GALNT18: variants seen among roughly 807,000 people sequenced by gnomAD.
The protein encoded by GALNT18 is GalNAc-transferase 18.
GALNT18 carries 44 observed loss-of-function variants against 69.5 expected under a neutral mutation model. The ratio of observed to expected loss-of-function variants is 0.63; its 90% confidence interval spans 0.50 to 0.81. The LOEUF (loss-of-function observed/expected upper bound fraction) is 0.81, where lower values mean the gene tolerates loss of function less well. Ranked by LOEUF, GALNT18 falls within the 40% of genes least tolerant of loss-of-function variation. The pLI, the probability that GALNT18 is intolerant of heterozygous loss-of-function variation, is 0.00. For missense variants in GALNT18, 715 were observed against 810.0 expected, an observed-to-expected ratio of 0.88 and a Z score of 1.42; for synonymous variants, 364 against 318.2, an observed-to-expected ratio of 1.14 and a Z score of -1.53.
chr11:11,373,292 G>A (rs954767726), intron 5 of GALNT18, among the ~76,000 whole-genome samples: 3 of 152,082 alleles, frequency 2.0e-5, no homozygotes, highest in South Asian at 4.2e-4. Flanking sequence ...ATGATGGAGA[G>A]CTGAGTCAGA....
In GALNT18 at chr11:11,601,845, C is replaced by T. The variant is rs1565036263; in HGVS notation, c.235+19514G>A. The stretch of plus-strand genomic sequence containing the variant: ...AACAAAACAACATTGAAGGAAATGA[C>T]GTTATTTGAGGACCTGCCTGATTTG... On this transcript the variant is annotated intron_variant, in intron 1 of 10. Transcript: ENST00000227756. The surrounding 1 kb of genome is among the most constrained non-coding windows in gnomAD (Gnocchi z 4.0). Among the ~76,000 whole-genome samples, 2 of 152,010 alleles carry T rather than the reference C, an allele frequency of 1.3e-5. No homozygotes were observed. The highest frequency in any genetic ancestry group is 1.9e-4 in the East Asian group (1 of 5,196).
chr11:11,482,260 C>T (rs888676203), intron 1 of GALNT18, among the ~76,000 whole-genome samples: 5 of 152,246 alleles, frequency 3.3e-5, no homozygotes, highest in Admixed American at 3.3e-4. Flanking sequence ...CATCCTCCCC[C>T]AGCTGTGCCA....
chr11:11,300,021 G>C (rs532172668), intron 9 of GALNT18, among the ~76,000 whole-genome samples: 2 of 152,340 alleles, frequency 1.3e-5, no homozygotes, highest in African/African-American at 4.8e-5. Flanking sequence ...CATGGGATGG[G>C]CAGAGGGAGA....
At chr11:11,334,323 A>T (rs1490783200) in intron 7 of GALNT18, among the ~76,000 whole-genome samples, 1 of 152,106 alleles carries the variant, frequency 6.6e-6, no homozygotes, top group Admixed American at 6.5e-5. Flanking sequence ...CAGGCGGATC[A>T]CAAGGTCAGG....
intron 1 of GALNT18, among the ~76,000 whole-genome samples, chr11:11,560,998 A>G (rs1350932518): frequency 2.0e-5 from 3 of 152,112 alleles, no homozygotes; most frequent in Non-Finnish European, 2.9e-5. Flanking sequence ...ATTTTATTTA[A>G]CCTTTTCTTT....
intron 3 of GALNT18, among the ~76,000 whole-genome samples, chr11:11,395,523 T>C (rs1019780555): frequency 3.3e-5 from 5 of 152,122 alleles, no homozygotes; most frequent in Admixed American, 1.3e-4. Context: ...ATAAGGATGG[T>C]GAGGAGGCAA....
rs1007483279 is a variant in GALNT18 at position 11,511,208 on chromosome 11, C to A, written c.236-62272G>T. The stretch of plus-strand genomic sequence containing the variant: ...ATGGCATTGAAGTATTCAAGGGCTG[C>A]ATTCAGGAGCTGAATCATGGAATCC... On this transcript the variant is annotated intron_variant, in intron 1 of 10. Coordinates refer to ENST00000227756, the MANE Select transcript of GALNT18 (RefSeq NM_198516.3). This position sits in a 1 kb window ranked among gnomAD's most constrained non-coding sequence, Gnocchi z 4.9. Among the ~76,000 whole-genome samples, 1 of 152,198 alleles carries A rather than the reference C, an allele frequency of 6.6e-6. No homozygotes were observed. The highest frequency in any genetic ancestry group is 2.4e-5 in the African/African-American group (1 of 41,450).
In GALNT18 at chr11:11,621,717, A is replaced by T. The variant is rs1401162309; in HGVS notation, c.-124T>A. The T allele has an allele frequency of 1.4e-6, 1 of 693,958 alleles. No homozygotes were observed. The highest frequency in any genetic ancestry group is 2.4e-6 in the Non-Finnish European group (1 of 417,044). The allele number at this position is 693,958 out of a possible 1,614,324, so 43.0% of individuals were successfully genotyped here. A position where few individuals can be genotyped will look rare whatever the true frequency, so the allele number is the denominator to read the frequency against. On this transcript the variant is annotated 5_prime_UTR_variant, in exon 1 of 11. Transcript: ENST00000227756. This position sits in a 1 kb window ranked among gnomAD's most constrained non-coding sequence, Gnocchi z 9.3. Reference sequence around the variant, plus strand: ...TGGGCACCTCAGCACCTGAGTCCCGAGGTTCTCCAAAGCCCGGTCCGCTGC... The same window carrying T: ...TGGGCACCTCAGCACCTGAGTCCCGTGGTTCTCCAAAGCCCGGTCCGCTGC...
intron 3 of GALNT18, among the ~76,000 whole-genome samples, chr11:11,394,550 C>A (rs1348561281): frequency 6.6e-6 from 1 of 152,202 alleles, no homozygotes; most frequent in African/African-American, 2.4e-5. Context: ...ATTAAAAACT[C>A]TACTGTAGCA....
In GALNT18 at chr11:11,582,233, G is replaced by A. The variant is rs539647118; in HGVS notation, c.235+39126C>T. 2.6e-5 allele frequency among the ~76,000 whole-genome samples: 4 copies of A among 152,338 alleles called. 1 individual carries two copies. The highest frequency in any genetic ancestry group is 9.6e-5 in the African/African-American group (4 of 41,590). ...AACAAAGCTGATGTGTTTGAGAACA[G>A]CACAAGCTGATGGGTCAGAGCAGAA... On this transcript the variant is annotated intron_variant, in intron 1 of 10. Coordinates refer to ENST00000227756, the MANE Select transcript of GALNT18 (RefSeq NM_198516.3). This position sits in a 1 kb window ranked among gnomAD's most constrained non-coding sequence, Gnocchi z 5.0.
At chr11:11,385,059 C>A (rs994613113) in intron 3 of GALNT18, among the ~76,000 whole-genome samples, 3 of 152,090 alleles carry the variant, frequency 2.0e-5, no homozygotes, top group African/African-American at 7.2e-5. Flanking sequence ...CAGGCTGCTT[C>A]CACTCATGGT....
intron 1 of GALNT18, among the ~76,000 whole-genome samples, chr11:11,468,054 T>C (rs900880285): frequency 3.3e-5 from 5 of 152,212 alleles, no homozygotes; most frequent in African/African-American, 1.2e-4. Flanking sequence ...ACATCTCAAA[T>C]CTCAAATAAC....
At chr11:11,474,794 C>A (rs192260756) in intron 1 of GALNT18, among the ~76,000 whole-genome samples, 3 of 152,152 alleles carry the variant, frequency 2.0e-5, no homozygotes, top group Non-Finnish European at 4.4e-5. Flanking sequence ...TGCTGCAGTG[C>A]AAACAGGGAC....
rs1397837954 is a variant in GALNT18, at chr11:11,444,452, C to T, written c.428+4292G>A. On this transcript the variant is annotated intron_variant, in intron 2 of 10. Coordinates refer to ENST00000227756, the MANE Select transcript of GALNT18 (RefSeq NM_198516.3). The surrounding 1 kb of genome is among the most constrained non-coding windows in gnomAD (Gnocchi z 4.4). ...AGTGTAAACTCCAGGAGATATCCGT[C>T]CGACGCTTTGTTGGGTGCCGGGCAC... 6.6e-6 allele frequency among the ~76,000 whole-genome samples: 1 copy of T among 152,232 alleles called. No homozygotes were observed. The highest frequency in any genetic ancestry group is 6.5e-5 in the Admixed American group (1 of 15,284).
chr11:11,513,774 CA>C (rs1857210017), intron 1 of GALNT18, among the ~76,000 whole-genome samples: 2 of 152,300 alleles, frequency 1.3e-5, no homozygotes, highest in African/African-American at 4.8e-5. Context: ...TGGGACTGTT[CA>C]GGGGGAACAT....
chr11:11,536,651 C>T (rs896612764), intron 1 of GALNT18, among the ~76,000 whole-genome samples: 1 of 137,172 alleles, frequency 7.3e-6, no homozygotes, highest in South Asian at 2.4e-4. Context: ...AAAATTGAGA[C>T]AAAAAAAAAA....
At chr11:11,471,490 A>G (rs567991499) in intron 1 of GALNT18, among the ~76,000 whole-genome samples, 13 of 152,190 alleles carry the variant, frequency 8.5e-5, no homozygotes, top group African/African-American at 3.1e-4. Context: ...GCTGGTGGCA[A>G]TGCAAATTGC....
At chr11:11,535,036 C>T (rs1295978639) in intron 1 of GALNT18, among the ~76,000 whole-genome samples, 2 of 152,260 alleles carry the variant, frequency 1.3e-5, no homozygotes, top group Non-Finnish European at 2.9e-5. Flanking sequence ...AGCTGTTAGC[C>T]TCTCTGAACC....
intron 1 of GALNT18, among the ~76,000 whole-genome samples, chr11:11,528,486 C>A (rs1857568504): frequency 6.6e-6 from 1 of 152,194 alleles, no homozygotes; most frequent in Non-Finnish European, 1.5e-5. Flanking sequence ...CAATCAGATT[C>A]TTTAAGTGTG....
Sources: allele counts gnomAD v4.1 joint callset (sites outside exome capture counted in the v4.1 genomes callset), GRCh38; gene constraint gnomAD v4.1.1; non-coding constraint Gnocchi (gnomAD v3.1); transcripts MANE v1.5; gene names NCBI Gene and HGNC (gene_info 2026-07-23, HGNC 2026-07-21).